FYN: variants seen among roughly 807,000 people sequenced by gnomAD.
FYN encodes FYN proto-oncogene, Src family tyrosine kinase, also known as tyrosine-protein kinase Fyn.
Under a neutral mutation model 70.2 loss-of-function variants are expected in FYN, and 10 were observed. The observed-to-expected ratio is 0.14, with a 90% CI of 0.09 to 0.24. FYN has a LOEUF of 0.24. Among genes scored for constraint, FYN ranks in the 10% least tolerant of loss-of-function variants. The pLI, the probability that FYN is intolerant of heterozygous loss-of-function variation, is 1.00. For missense variants in FYN, 319 were observed against 673.1 expected, an observed-to-expected ratio of 0.47 and a Z score of 5.82; for synonymous variants, 236 against 248.6, an observed-to-expected ratio of 0.95 and a Z score of 0.48.
chr6:111,673,902 A>G (rs1798421895), intron 13 of FYN, among the ~76,000 whole-genome samples: 1 of 152,188 alleles, frequency 6.6e-6, no homozygotes, highest in Admixed American at 6.5e-5. Flanking sequence ...CCAGAGTCTA[A>G]GAATTTCCAA....
chr6:111,802,444 T>A (rs1772018182), intron 2 of FYN, among the ~76,000 whole-genome samples: 1 of 152,152 alleles, frequency 6.6e-6, no homozygotes, highest in Non-Finnish European at 1.5e-5. Flanking sequence ...CCCTTTTTTT[T>A]TTCTTTGAGA....
At chr6:111,761,614 G>A (rs1803009383) in intron 3 of FYN, among the ~76,000 whole-genome samples, 1 of 152,144 alleles carries the variant, frequency 6.6e-6, no homozygotes, top group Non-Finnish European at 1.5e-5. Context: ...CTAGAGAGGT[G>A]GGCTTTGTAT....
intron 3 of FYN, among the ~76,000 whole-genome samples, chr6:111,772,409 G>T (rs141175881): frequency 6.6e-6 from 1 of 152,162 alleles, no homozygotes; most frequent in Non-Finnish European, 1.5e-5. Flanking sequence ...TGAAAGGAAG[G>T]CTGGAGCAGG....
At chr6:111,742,396 T>A (rs1292476692) in intron 3 of FYN, among the ~76,000 whole-genome samples, 1 of 152,254 alleles carries the variant, frequency 6.6e-6, no homozygotes, top group Admixed American at 6.5e-5. Flanking sequence ...ACGTTGTTAA[T>A]GGCACTAAAA....
intron 3 of FYN, among the ~76,000 whole-genome samples, chr6:111,774,548 A>AC (rs1390148773): frequency 6.6e-6 from 1 of 152,026 alleles, no homozygotes; most frequent in Non-Finnish European, 1.5e-5. Context: ...CTTTGTGAGG[A>AC]CAACAACAAA....
intron 2 of FYN, among the ~76,000 whole-genome samples, chr6:111,836,280 T>G (rs534871379): frequency 6.6e-6 from 1 of 152,324 alleles, no homozygotes; most frequent in South Asian, 2.1e-4. Context: ...ACGGAAAATA[T>G]GAAAACCTGT....
intron 12 of FYN, among the ~76,000 whole-genome samples, chr6:111,684,514 T>C (rs1221736556): frequency 6.6e-6 from 1 of 151,974 alleles, no homozygotes; most frequent in Non-Finnish European, 1.5e-5. Context: ...AATCCTGGGG[T>C]TTTGCAGTCG....
chr6:111,803,800 C>A (rs146119808), intron 2 of FYN, among the ~76,000 whole-genome samples: 1 of 152,234 alleles, frequency 6.6e-6, no homozygotes, highest in East Asian at 1.9e-4. Context: ...CAGCCAACAG[C>A]GCAAATGTAG....
At chr6:111,707,675 T>C (rs938099732) in intron 6 of FYN, among the ~76,000 whole-genome samples, 2 of 152,260 alleles carry the variant, frequency 1.3e-5, no homozygotes, top group Admixed American at 6.5e-5. Context: ...CAAGTTTTAC[T>C]GGCTTTTCAT....
chr6:111,760,518 T>C (rs770568990), intron 3 of FYN, among the ~76,000 whole-genome samples: 3 of 152,158 alleles, frequency 2.0e-5, no homozygotes, highest in Non-Finnish European at 4.4e-5. Flanking sequence ...TTATGCAAAA[T>C]GGCAAACCAG....
intron 2 of FYN, among the ~76,000 whole-genome samples, chr6:111,802,457 G>A (rs12212585): frequency 0.014 from 2,139 of 151,336 alleles, 28 homozygotes; most frequent in Non-Finnish European, 0.02. Context: ...CTTTGAGACA[G>A]AGTCTCGCTC....
intron 3 of FYN, among the ~76,000 whole-genome samples, chr6:111,721,675 C>G (rs706900): frequency 0.83 from 125,938 of 152,084 alleles, 52,994 homozygotes; most frequent in African/African-American, 0.96. Context: ...AAAGTACTGG[C>G]ATTACAGGCG....
chr6:111,708,523 G>A (rs1391694353), intron 5 of FYN, among the ~76,000 whole-genome samples: 1 of 152,146 alleles, frequency 6.6e-6, no homozygotes, highest in Non-Finnish European at 1.5e-5. Context: ...GGGAGGTTAG[G>A]AGGTCTGATG....
chr6:111,862,250 C>T (rs1321468102), intron 1 of FYN, among the ~76,000 whole-genome samples: 2 of 152,142 alleles, frequency 1.3e-5, no homozygotes, highest in African/African-American at 4.8e-5. Flanking sequence ...AACCTGATGG[C>T]AGAGGGCAAA....
intron 3 of FYN, among the ~76,000 whole-genome samples, chr6:111,766,322 A>AC (rs1803226097): frequency 6.6e-6 from 1 of 151,874 alleles, no homozygotes; most frequent in Non-Finnish European, 1.5e-5. Context: ...CCTCAAGCTC[A>AC]CCTCCCACAC....
intron 3 of FYN, among the ~76,000 whole-genome samples, chr6:111,764,722 A>C (rs1298696669): frequency 2.0e-5 from 3 of 152,194 alleles, no homozygotes; most frequent in Non-Finnish European, 4.4e-5. Context: ...CGTAGAGCTA[A>C]GGGGTTCCTT....
chr6:111,675,174 T>C (rs562337522), intron 12 of FYN, among the ~76,000 whole-genome samples: 4 of 152,194 alleles, frequency 2.6e-5, no homozygotes, highest in Non-Finnish European at 5.9e-5. Flanking sequence ...TTGCTGTTTT[T>C]CCTCCATTCT....
At chr6:111,857,577 A>C (rs1314625851) in intron 1 of FYN, among the ~76,000 whole-genome samples, 2 of 152,342 alleles carry the variant, frequency 1.3e-5, no homozygotes, top group East Asian at 3.9e-4. Flanking sequence ...ATATAGCCCA[A>C]ATGCAGAGTG....
chr6:111,677,030 T>C (rs1798557095), intron 12 of FYN, among the ~76,000 whole-genome samples: 2 of 152,240 alleles, frequency 1.3e-5, no homozygotes, highest in Non-Finnish European at 2.9e-5. Context: ...AAAGGCTGCA[T>C]TAATGTAAGG....
Sources: gnomAD v4.1 joint callset for allele counts (sites outside exome capture counted in the v4.1 genomes callset) on GRCh38, gnomAD v4.1.1 for gene constraint, MANE v1.5 for transcripts, NCBI Gene and HGNC (gene_info 2026-07-23, HGNC 2026-07-21) for gene names.